Variants in PCDHGA8 observed in about 807,000 individuals in gnomAD.
PCDHGA8 encodes the protein protocadherin gamma-A8.
In PCDHGA8, 45 loss-of-function variants were observed where a neutral mutation model predicts 59.2. That is an observed-to-expected ratio of 0.76 (90% CI 0.60 to 0.98). The LOEUF (loss-of-function observed/expected upper bound fraction) is 0.98. PCDHGA8 is among the 50% of genes least tolerant of loss of function. The pLI is 0.00. For missense variants in PCDHGA8, 1,257 were observed against 1,196.2 expected, an observed-to-expected ratio of 1.05 and a Z score of -0.75; for synonymous variants, 531 against 519.0, an observed-to-expected ratio of 1.02 and a Z score of -0.32.
At position 141,422,923 on chromosome 5, in the gene PCDHGA8, C is replaced by T. The variant is rs188787674; in HGVS notation, c.2424+27686C>T. The T allele has an allele frequency of 1.6e-5, 26 of 1,614,252 alleles. No homozygotes were observed. In the East Asian group the frequency reaches 2.5e-4, roughly 15 times the overall value. On this transcript the variant is annotated intron_variant, in intron 1 of 3. Coordinates refer to ENST00000398604, the MANE Select transcript of PCDHGA8 (RefSeq NM_032088.2). ...CGACAATGCGCCCGAGATCCTGTAC[C>T]CTGCCCTCCCCACAGACGGCTCCAC...
At chr5:141,402,971 T>A (rs1589470573) in intron 1 of PCDHGA8, 1 of 1,608,252 alleles carries the variant, frequency 6.2e-7, no homozygotes, top group East Asian at 2.2e-5. Flanking sequence ...TCCAACCAAA[T>A]GCCAGCTCCG....
chr5:141,497,957 A>G (rs2099780682), intron 2 of PCDHGA8, among the ~76,000 whole-genome samples: 1 of 152,242 alleles, frequency 6.6e-6, no homozygotes, highest in Non-Finnish European at 1.5e-5. Flanking sequence ...TCTGTTGGCC[A>G]GGCAGTGTTC....
chr5:141,400,027 GC>G (rs746080003), intron 1 of PCDHGA8: 8 of 1,612,664 alleles, frequency 5.0e-6, no homozygotes, highest in Admixed American at 1.7e-5. Flanking sequence ...CAGGGACGCG[GC>G]CCGCCAGCGC....
intron 3 of PCDHGA8, among the ~76,000 whole-genome samples, chr5:141,509,504 C>T (rs534951697): frequency 4.7e-4 from 72 of 152,246 alleles, no homozygotes; most frequent in Non-Finnish European, 8.4e-4. Flanking sequence ...CTGGATGTGA[C>T]GGTGTTGATG....
intron 1 of PCDHGA8, chr5:141,415,794 A>G: frequency 1.5e-6 from 2 of 1,366,408 alleles, no homozygotes; most frequent in Non-Finnish European, 1.9e-6. Context: ...AAATTCACCT[A>G]GTCTCAATCA....
intron 1 of PCDHGA8, chr5:141,404,478 CAG>C (rs749664270): frequency 1.9e-6 from 3 of 1,613,412 alleles, no homozygotes; most frequent in Non-Finnish European, 2.5e-6. Context: ...TCTATTAACT[CAG>C]ACACTGGTGT....
intron 1 of PCDHGA8, chr5:141,417,913 T>A (rs749352432): frequency 1.2e-6 from 2 of 1,601,944 alleles, no homozygotes; most frequent in African/African-American, 1.3e-5. Flanking sequence ...AGGTACTATT[T>A]CCTTTGCTGC....
rs1337134243 is a variant in PCDHGA8 at position 141,395,099 on chromosome 5, C to A, written c.2286C>A (p.Asp762Glu). ...CCCAGGAAGTCTCCCTCACCGCCGA[C>A]TCGCGGAAGAGTCACCTGATCTTTC... is the stretch of plus-strand genomic sequence containing the variant. The part of the protein sequence containing the change: ...TYSQEVSLTA[D>E]SRKSHLIFPQ... Residue 762 changes from aspartate to glutamate, a missense_variant, in exon 1 of 4, where the codon GAC (aspartate) becomes GAA (glutamate). Asp to Glu is a conservative substitution (Grantham distance 45). Transcript: ENST00000398604. 1 of 1,614,228 alleles carries A rather than the reference C, an allele frequency of 6.2e-7. No homozygotes were observed.
At chr5:141,463,692 C>A (rs1482988660) in intron 1 of PCDHGA8, among the ~76,000 whole-genome samples, 2 of 151,934 alleles carry the variant, frequency 1.3e-5, no homozygotes, top group Non-Finnish European at 2.9e-5. Flanking sequence ...GTGATCTGCT[C>A]ACCTCGGCCT....
At chr5:141,451,238 T>A (rs1167769789) in intron 1 of PCDHGA8, among the ~76,000 whole-genome samples, 6 of 152,214 alleles carry the variant, frequency 3.9e-5, no homozygotes, top group African/African-American at 1.4e-4. Context: ...TATTATCTCA[T>A]AAATTTTGTG....
Position 141,434,451 on chromosome 5 carries a change from A to T in PCDHGA8, c.2424+39214A>T, listed in dbSNP as rs145324240. 3.9e-3 allele frequency among the ~76,000 whole-genome samples: 589 copies of T among 152,326 alleles called. 6 individuals carry two copies. The highest frequency in any genetic ancestry group is 0.011 in the Admixed American group (170 of 15,298). ...GGCCGTAATGCCCATGCTGGAAGGTAGTGGGTTTACCGGAATGAGGGCAAG... is the reference window on the plus strand; with the variant it reads ...GGCCGTAATGCCCATGCTGGAAGGTTGTGGGTTTACCGGAATGAGGGCAAG... On this transcript the variant is annotated intron_variant, in intron 1 of 3. Transcript: ENST00000398604.
intron 1 of PCDHGA8, among the ~76,000 whole-genome samples, chr5:141,406,301 A>C (rs1447923303): frequency 6.6e-6 from 1 of 151,966 alleles, no homozygotes; most frequent in Non-Finnish European, 1.5e-5. Context: ...TGAGGTGTGA[A>C]CCACCTCACC....
chr5:141,408,624 A>G, intron 1 of PCDHGA8: 1 of 1,614,016 alleles, frequency 6.2e-7, no homozygotes, highest in Non-Finnish European at 8.5e-7. Flanking sequence ...ATACATTTAG[A>G]AATTTTCGAA....
At position 141,415,641 on chromosome 5, in the gene PCDHGA8, TAA is replaced by T. The variant is rs113784532; in HGVS notation, c.2424+20414_2424+20415del. On this transcript the variant is annotated intron_variant, in intron 1 of 3. Transcript: ENST00000398604. ...GTTTTATTTTCATTTTTACTTTTGT[TAA>T]AAAAAAAAAGATTGGTTTTTACTTT... is the stretch of plus-strand genomic sequence containing the variant. 3.1e-5 allele frequency: 40 copies of T among 1,280,748 alleles called. No homozygotes were observed. The African/African-American group carries it at 4.6e-4, about 15-fold the overall frequency. 79.3% of individuals were successfully genotyped at this position (1,280,748 alleles called of 1,614,324 possible).
rs1310685846 is a variant in PCDHGA8, at chr5:141,423,037, T to C, written c.2424+27800T>C. ...GGACAAAGATTCAGGCCAGAACGCCTGGCTGTCCTATCGCCTGCTTAAGGC... is the reference window on the plus strand; with the variant it reads ...GGACAAAGATTCAGGCCAGAACGCCCGGCTGTCCTATCGCCTGCTTAAGGC... On this transcript the variant is annotated intron_variant, in intron 1 of 3. Transcript: ENST00000398604. 5 of 1,614,086 alleles carry C rather than the reference T, an allele frequency of 3.1e-6. No homozygotes were observed. In the African/African-American group the frequency reaches 5.3e-5, roughly 17 times the overall value.
chr5:141,431,012 G>A lies in PCDHGA8; in HGVS notation c.2424+35775G>A. On this transcript the variant is annotated intron_variant, in intron 1 of 3. Coordinates refer to ENST00000398604, the MANE Select transcript of PCDHGA8 (RefSeq NM_032088.2). This position sits in a 1 kb window ranked among gnomAD's most constrained non-coding sequence, Gnocchi z 4.8. The stretch of plus-strand genomic sequence containing the variant: ...CCTGAATCCGCGCAGCGGCAGCTTG[G>A]TCACGGCGGGCAGGATAGACCGGGA... 1 of 1,613,314 alleles carries A rather than the reference G, an allele frequency of 6.2e-7. No individual in the cohort carries two copies. Among genetic ancestry groups the A allele is most frequent in the South Asian group, 1.1e-5 (1 of 91,076 alleles).
intron 1 of PCDHGA8, chr5:141,400,290 C>G (rs1455484413): frequency 3.1e-6 from 5 of 1,613,972 alleles, no homozygotes; most frequent in Non-Finnish European, 3.4e-6. Context: ...CCGCCTGGAG[C>G]TGCTTCCAAC....
In PCDHGA8 at chr5:141,395,181, T is replaced by C. The variant is rs758854683; in HGVS notation, c.2368T>C (p.Ser790Pro). The C allele has an allele frequency of 1.9e-6, 3 of 1,614,030 alleles. No individual in the cohort carries two copies. The highest frequency in any genetic ancestry group is 2.5e-6 in the Non-Finnish European group (3 of 1,180,010). Reference protein sequence around the residue: ...ISQEGCEKNDSLLTSVDFHEY... With the variant: ...ISQEGCEKNDPLLTSVDFHEY... ...TCAGGAGGGCTGTGAGAAAAATGATTCTTTGTTAACATCCGTAGATTTTCA... is the reference window on the plus strand; with the variant it reads ...TCAGGAGGGCTGTGAGAAAAATGATCCTTTGTTAACATCCGTAGATTTTCA... The change falls in exon 1 of 4, where the codon TCT becomes CCT. Residue 790 changes from serine (S) to proline (P), a missense_variant. Transcript: ENST00000398604.
intron 1 of PCDHGA8, chr5:141,397,891 A>G: frequency 3.2e-6 from 2 of 631,130 alleles, no homozygotes; most frequent in Non-Finnish European, 5.3e-6. Context: ...CTGTTGGCCA[A>G]AGTGCAGAGC....
Sources: allele counts gnomAD v4.1 joint callset (sites outside exome capture counted in the v4.1 genomes callset), GRCh38; gene constraint gnomAD v4.1.1; non-coding constraint Gnocchi (gnomAD v3.1); transcripts MANE v1.5; gene names NCBI Gene and HGNC (gene_info 2026-07-23, HGNC 2026-07-21).